SNX29: variants seen among roughly 807,000 people sequenced by gnomAD.
The protein encoded by SNX29 is sorting nexin 29, also known as sorting nexin-29.
SNX29 carries 78 observed loss-of-function variants against 102.1 expected under a neutral mutation model. That is an observed-to-expected ratio of 0.76 (90% confidence interval 0.64 to 0.92). The LOEUF (loss-of-function observed/expected upper bound fraction) is 0.92. SNX29 is among the 40% of genes least tolerant of loss of function. SNX29 has a pLI of 0.00. For missense variants in SNX29, 1,280 were observed against 1,061.7 expected (o/e 1.21, Z -2.86); for synonymous variants, 580 against 414.5 (o/e 1.40, Z -4.85).
chr16:12,043,275 C>G (rs528693677), intron 5 of SNX29, among the ~76,000 whole-genome samples, 198 bp downstream of exon 5: 2 of 151,616 alleles, frequency 1.3e-5, no homozygotes, highest in Non-Finnish European at 2.9e-5. Flanking sequence ...GTAAAGGGCT[C>G]GGCATGGCAC....
rs35258709 is a variant in SNX29, at chr16:11,988,293, C to CAA, written c.8-10988_8-10987dup. Among the ~76,000 whole-genome samples the CAA allele has an allele frequency of 1.7e-3, 220 of 129,192 alleles. 1 individual carries two copies. Among genetic ancestry groups the CAA allele is most frequent in the Non-Finnish European group, 2.1e-3 (134 of 63,124 alleles). The allele number at this position is 129,192 out of a possible 152,430, so 84.8% of individuals were successfully genotyped here. A position where few individuals can be genotyped will look rare whatever the true frequency, so the allele number is the denominator to read the frequency against. Reference sequence around the variant, plus strand: ...TGGGCGACAGAGTGCGACTCCATCTCAAAAAAAAAAAAAAAAAGTTTATTG... The same window carrying CAA: ...TGGGCGACAGAGTGCGACTCCATCTCAAAAAAAAAAAAAAAAAAAGTTTATTG... On this transcript the variant is annotated intron_variant, in intron 1 of 20. Transcript: ENST00000566228.
intron 11 of SNX29, among the ~76,000 whole-genome samples, chr16:12,109,671 G>A (rs115442896): frequency 6.6e-6 from 1 of 152,184 alleles, no homozygotes; most frequent in African/African-American, 2.4e-5. Flanking sequence ...GCCCAGCCGT[G>A]CAGACTCTGG....
At chr16:12,560,135 T>TCCCCCCCCCCCCCCCCCC (rs57116555) in intron 20 of SNX29, among the ~76,000 whole-genome samples, 1 of 135,394 alleles carries the variant, frequency 7.4e-6, no homozygotes, top group Non-Finnish European at 1.6e-5. Context: ...TGTGTTCCCC[T>TCCCCCCCCCCCCCCCCCC]CCCCCCCCCA....
intron 17 of SNX29, among the ~76,000 whole-genome samples, chr16:12,403,202 A>ATGTGTGTGTG (rs67193889): frequency 1.4e-4 from 10 of 70,942 alleles, no homozygotes; most frequent in Non-Finnish European, 2.3e-4. Context: ...TTGTGTGTGT[A>ATGTGTGTGTG]TGTGTGTGTG....
At chr16:12,345,166 C>T (rs1018435553) in intron 15 of SNX29, among the ~76,000 whole-genome samples, 1 of 152,210 alleles carries the variant, frequency 6.6e-6, no homozygotes, top group Non-Finnish European at 1.5e-5. Context: ...ATCCTGTGCT[C>T]TGCGCTAGAG....
intron 20 of SNX29, among the ~76,000 whole-genome samples, chr16:12,541,150 T>C (rs2077317521): frequency 6.6e-6 from 1 of 152,158 alleles, no homozygotes; most frequent in African/African-American, 2.4e-5. Flanking sequence ...CCTTACTACA[T>C]CATACCCAGA....
At chr16:12,099,332 C>T (rs1029740140) in intron 11 of SNX29, among the ~76,000 whole-genome samples, 2 of 152,186 alleles carry the variant, frequency 1.3e-5, no homozygotes, top group African/African-American at 4.8e-5. Context: ...CTTCTCGAAC[C>T]TCCCATCTCC....
At chr16:11,983,656 A>G in intron 1 of SNX29, 1 of 985,418 alleles carries the variant, frequency 1.0e-6, no homozygotes, top group African/African-American at 1.7e-5. Context: ...GCAACTGGCG[A>G]TGGACTAGGT....
intron 20 of SNX29, among the ~76,000 whole-genome samples, chr16:12,542,719 C>T (rs561924874): frequency 1.3e-5 from 2 of 150,480 alleles, no homozygotes; most frequent in East Asian, 4.0e-4. Flanking sequence ...CAGTCTTTTA[C>T]TCTTAAATCT....
intron 15 of SNX29, among the ~76,000 whole-genome samples, chr16:12,347,291 G>A (rs924899664): frequency 9.2e-5 from 14 of 152,100 alleles, no homozygotes; most frequent in Admixed American, 9.2e-4. Context: ...GTGGCTTTAT[G>A]GTGCGGCATT....
chr16:12,378,898 G>T (rs1235482544), intron 16 of SNX29, among the ~76,000 whole-genome samples: 1 of 152,156 alleles, frequency 6.6e-6, no homozygotes, highest in Non-Finnish European at 1.5e-5. Flanking sequence ...CTCTGCCCAG[G>T]GTTGCCAGCA....
At chr16:12,430,197 T>A (rs1489238505) in intron 18 of SNX29, among the ~76,000 whole-genome samples, 4 of 152,158 alleles carry the variant, frequency 2.6e-5, no homozygotes, top group African/African-American at 9.7e-5. Context: ...AAACCATCAG[T>A]TCCCCCCCCA....
At chr16:12,076,624 C>T (rs2051588607) in intron 10 of SNX29, among the ~76,000 whole-genome samples, 1 of 152,130 alleles carries the variant, frequency 6.6e-6, no homozygotes, top group South Asian at 2.1e-4. Context: ...TTTTATGTAG[C>T]CTGGGTGACA....
intron 9 of SNX29, among the ~76,000 whole-genome samples, chr16:12,062,106 C>T (rs536957380): frequency 2.2e-4 from 34 of 152,036 alleles, no homozygotes; most frequent in Non-Finnish European, 4.1e-4. Flanking sequence ...GGGCTGGGTG[C>T]GATATCTCAT....
chr16:12,174,939 A>AC (rs1596428455), intron 13 of SNX29, among the ~76,000 whole-genome samples: 1 of 152,040 alleles, frequency 6.6e-6, no homozygotes, highest in South Asian at 2.1e-4. Context: ...TTAAAAAAAA[A>AC]ACAACCAATT....
chr16:12,006,500 G>T (rs2056456966), intron 3 of SNX29, among the ~76,000 whole-genome samples: 1 of 139,940 alleles, frequency 7.1e-6, no homozygotes, highest in African/African-American at 2.7e-5. Flanking sequence ...TGGGCAACAA[G>T]AGCGATACTG....
intron 13 of SNX29, among the ~76,000 whole-genome samples, chr16:12,148,155 C>G (rs2055145844): frequency 6.6e-6 from 1 of 152,174 alleles, no homozygotes; most frequent in Non-Finnish European, 1.5e-5. Flanking sequence ...CAAATGCATT[C>G]TTACTTGGAA....
chr16:12,393,586 T>C (rs1338609616), intron 16 of SNX29, among the ~76,000 whole-genome samples: 2 of 152,086 alleles, frequency 1.3e-5, no homozygotes, highest in African/African-American at 4.8e-5. Context: ...CATTACAAGC[T>C]GAAGAATGTG....
chr16:12,458,487 G>A (rs112970117), intron 18 of SNX29, among the ~76,000 whole-genome samples: 2,530 of 152,260 alleles, frequency 0.017, 84 homozygotes, highest in African/African-American at 0.058. Flanking sequence ...TTAAAGATCA[G>A]TAGTTATTTG....
Sources: gnomAD v4.1 joint callset for allele counts (sites outside exome capture counted in the v4.1 genomes callset) on GRCh38, gnomAD v4.1.1 for gene constraint, MANE v1.5 for transcripts, NCBI Gene and HGNC (gene_info 2026-07-23, HGNC 2026-07-21) for gene names.